Variants in RYR2 observed in about 807,000 individuals in gnomAD.
The protein encoded by RYR2 is cardiac muscle ryanodine receptor-calcium release channel.
Under a neutral mutation model 601.1 loss-of-function variants are expected in RYR2, and 227 were observed. The observed-to-expected ratio is 0.38, with a 90% CI of 0.34 to 0.42. RYR2 has a LOEUF of 0.42. RYR2 is among the 10% of genes least tolerant of loss of function. RYR2 has a pLI of 1.00. For synonymous variants in RYR2, 2,223 were observed against 2,175.1 expected, an observed-to-expected ratio of 1.02 and a Z score of -0.61; for missense variants, 4,646 against 6,156.5, an observed-to-expected ratio of 0.75 and a Z score of 8.21.
chr1:237,507,478 C>T (rs76020602), intron 23 of RYR2, among the ~76,000 whole-genome samples: 1,530 of 152,268 alleles, frequency 0.01, 27 homozygotes, highest in African/African-American at 0.033. Flanking sequence ...TCCCAAAGGC[C>T]ATAACACTTT....
At chr1:237,501,741 C>T (rs1402051476) in intron 21 of RYR2, among the ~76,000 whole-genome samples, 1 of 152,150 alleles carries the variant, frequency 6.6e-6, no homozygotes, top group East Asian at 1.9e-4. Flanking sequence ...TGTATTTATA[C>T]AAATTATGTT....
At chr1:237,631,886 C>T (rs1156395287) in intron 42 of RYR2, among the ~76,000 whole-genome samples, 3 of 6,586 alleles carry the variant, frequency 4.6e-4, no homozygotes, top group Non-Finnish European at 1.0e-3. Context: ...CCTTGGCCTC[C>T]CCTCCCGAAG....
rs972257069 is a variant in RYR2, at chr1:237,212,677, A to C, written c.49-57820A>C. On this transcript the variant is annotated intron_variant, in intron 1 of 104. Transcript: ENST00000366574. Reference sequence around the variant, plus strand: ...CATGCACATTTTAAAGTATTTGGAAACATTTTGCCAAAAAAGTAATAATAC... The same window carrying C: ...CATGCACATTTTAAAGTATTTGGAACCATTTTGCCAAAAAAGTAATAATAC... 6.0e-4 allele frequency among the ~76,000 whole-genome samples: 91 copies of C among 152,326 alleles called. 1 individual carries two copies. The South Asian group carries it at 6.2e-3, about 10-fold the overall frequency.
intron 28 of RYR2, among the ~76,000 whole-genome samples, chr1:237,567,067 A>G (rs1249559927): frequency 6.6e-6 from 1 of 152,090 alleles, no homozygotes; most frequent in Non-Finnish European, 1.5e-5. Flanking sequence ...ATATACATTG[A>G]CGCAGCGATT....
chr1:237,487,622 C>A (rs1463051723), intron 17 of RYR2, among the ~76,000 whole-genome samples: 2 of 149,764 alleles, frequency 1.3e-5, no homozygotes, highest in African/African-American at 4.9e-5. Context: ...ACTCAGGAGG[C>A]TACGGGAGGC....
chr1:237,687,622 G>C (rs1686547686), intron 63 of RYR2, 118 bp downstream of exon 63: 3 of 770,822 alleles, frequency 3.9e-6, no homozygotes, highest in Non-Finnish European at 6.8e-6. Flanking sequence ...CTGCATGCAT[G>C]GTCGTTGCAG....
At chr1:237,742,590 A>T (rs972295662) in intron 80 of RYR2, among the ~76,000 whole-genome samples, 5 of 152,150 alleles carry the variant, frequency 3.3e-5, no homozygotes, top group Non-Finnish European at 7.4e-5. Flanking sequence ...GTTCCTGAGA[A>T]CCCTCAGAGA....
chr1:237,104,259 G>A (rs1668433309), intron 1 of RYR2, among the ~76,000 whole-genome samples: 1 of 152,102 alleles, frequency 6.6e-6, no homozygotes, highest in Non-Finnish European at 1.5e-5. Context: ...TTGGTACTTG[G>A]AAGCAAGCAT....
intron 1 of RYR2, among the ~76,000 whole-genome samples, chr1:237,195,436 A>G (rs6676288): frequency 0.031 from 4,724 of 152,210 alleles, 264 homozygotes; most frequent in African/African-American, 0.11. Context: ...TATGTTTAGT[A>G]GAGACGGGGT....
At chr1:237,538,565 A>G (rs958906963) in intron 25 of RYR2, among the ~76,000 whole-genome samples, 1 of 151,724 alleles carries the variant, frequency 6.6e-6, no homozygotes, top group African/African-American at 2.4e-5. Context: ...TGAGGTCAGG[A>G]GTTCCAGACC....
In RYR2 at chr1:237,610,687, A is replaced by C. The variant is rs534001668; in HGVS notation, c.4684-75A>C. 8.4e-7 allele frequency: 1 copy of C among 1,188,038 alleles called. No homozygotes were observed. Among genetic ancestry groups the C allele is most frequent in the Non-Finnish European group, 1.2e-6 (1 of 834,196 alleles). 73.6% of individuals were successfully genotyped at this position (1,188,038 alleles called of 1,614,324 possible). Reference sequence around the variant, plus strand: ...TACTTTCCCTGTCTCTGTCCTGTGCAGAATTCTAGTCATTACTTTGTGAAC... The same window carrying C: ...TACTTTCCCTGTCTCTGTCCTGTGCCGAATTCTAGTCATTACTTTGTGAAC... On this transcript the variant is annotated intron_variant, in intron 35 of 104. Transcript: ENST00000366574. This position sits in a 1 kb window ranked among gnomAD's most constrained non-coding sequence, Gnocchi z 4.9.
Position 237,634,852 on chromosome 1 carries a change from G to A in RYR2, c.6689-37G>A, listed in dbSNP as rs147329662. 4.4e-4 allele frequency: 661 copies of A among 1,496,176 alleles called. 3 individuals carry two copies. The African/African-American group carries it at 6.5e-3, about 15-fold the overall frequency. 92.7% of individuals were successfully genotyped at this position (1,496,176 alleles called of 1,614,324 possible). A position where few individuals can be genotyped will look rare whatever the true frequency, so the allele number is the denominator to read the frequency against. ...TGTATGGAGTTTATAGTTACAGCAC[G>A]ATCCAGGTTATATTTCATCTTCATT... On this transcript the variant is annotated intron_variant, in intron 43 of 104. Coordinates refer to ENST00000366574, the MANE Select transcript of RYR2 (RefSeq NM_001035.3).
intron 24 of RYR2, among the ~76,000 whole-genome samples, chr1:237,525,847 G>T (rs1329753330): frequency 6.6e-6 from 1 of 151,974 alleles, no homozygotes; most frequent in African/African-American, 2.4e-5. Flanking sequence ...GGGTATGGTG[G>T]TGAGCACCTG....
At chr1:237,658,084 A>G in intron 54 of RYR2, 62 bp downstream of exon 54, 4 of 927,004 alleles carry the variant, frequency 4.3e-6, no homozygotes, top group Non-Finnish European at 6.2e-6. Context: ...CTGTTCAAAT[A>G]TTTCTGACCA....
intron 29 of RYR2, among the ~76,000 whole-genome samples, chr1:237,573,549 T>G (rs1245921222): frequency 8.1e-5 from 12 of 148,872 alleles, no homozygotes; most frequent in Non-Finnish European, 1.5e-5. Context: ...ATAAAGGTAC[T>G]GCTAGGAACA....
chr1:237,777,311 C>T (rs148063848), intron 87 of RYR2, among the ~76,000 whole-genome samples: 1 of 152,162 alleles, frequency 6.6e-6, no homozygotes, highest in Non-Finnish European at 1.5e-5. Context: ...TCATAGTCAT[C>T]TGAGAATACA....
intron 80 of RYR2, among the ~76,000 whole-genome samples, chr1:237,755,390 T>C (rs1373485271): frequency 4.6e-5 from 7 of 152,344 alleles, no homozygotes; most frequent in African/African-American, 1.7e-4. Context: ...GTTGTGTTTA[T>C]GGACATGATA....
chr1:237,274,699 T>C (rs1690081810), intron 2 of RYR2, among the ~76,000 whole-genome samples: 1 of 152,230 alleles, frequency 6.6e-6, no homozygotes, highest in Admixed American at 6.5e-5. Flanking sequence ...ACTCACTGAC[T>C]CACCAGAGTA....
chr1:237,042,406 G>C lies in RYR2; in HGVS notation c.-116G>C, dbSNP rs1263171886. On this transcript the variant is annotated 5_prime_UTR_variant, in exon 1 of 105. Transcript: ENST00000366574. ...CCCGGCGCTCGGCACCCGGCAGCGC[G>C]GCCCCCTCCAGCCCCCGGCTCCCGG... The C allele has an allele frequency of 9.8e-7, 1 of 1,023,012 alleles. No individual in the cohort carries two copies. The highest frequency in any genetic ancestry group is 3.9e-5 in the East Asian group (1 of 25,758). The allele number at this position is 1,023,012 out of a possible 1,614,324, so 63.4% of individuals were successfully genotyped here.
Sources: gnomAD v4.1 joint callset for allele counts (sites outside exome capture counted in the v4.1 genomes callset) on GRCh38, gnomAD v4.1.1 for gene constraint, Gnocchi (gnomAD v3.1) non-coding constraint, MANE v1.5 for transcripts, NCBI Gene and HGNC (gene_info 2026-07-23, HGNC 2026-07-21) for gene names.